OR9Q1: variants seen among roughly 807,000 people sequenced by gnomAD.
The protein encoded by OR9Q1 is olfactory receptor family 9 subfamily Q member 1, also known as olfactory receptor 9Q1.
For missense variants in OR9Q1, 374 were observed against 378.8 expected (o/e 0.99, Z 0.11); for synonymous variants, 153 against 148.6 (o/e 1.03, Z -0.22).
intron 2 of OR9Q1, chr11:58,072,940 G>T (rs1275477131): frequency 6.0e-6 from 1 of 167,676 alleles, no homozygotes; most frequent in South Asian, 1.7e-4. Flanking sequence ...AAATGTATTA[G>T]AGAAAGTATT....
intron 2 of OR9Q1, among the ~76,000 whole-genome samples, chr11:58,149,328 G>A (rs190985078): frequency 1.1e-3 from 166 of 152,142 alleles, no homozygotes; most frequent in African/African-American, 3.7e-3. Context: ...GTGTGGGTAG[G>A]GACTTTGCTC....
rs1382420899 is a variant in OR9Q1 at position 58,023,993 on chromosome 11, C to T, written c.-204C>T. On this transcript the variant is annotated 5_prime_UTR_variant, in exon 1 of 3. Transcript: ENST00000335397. The stretch of plus-strand genomic sequence containing the variant: ...TTCCCTTAATGATGTCTCCTTCCAT[C>T]TTTAGTCCAGCCCAGCAATGTACAT... 3 of 152,228 alleles carry T rather than the reference C, an allele frequency of 2.0e-5. No homozygotes were observed. Among genetic ancestry groups the T allele is most frequent in the Non-Finnish European group, 4.4e-5 (3 of 68,074 alleles). The allele number at this position is 152,228 out of a possible 1,614,324, so 9.4% of individuals were successfully genotyped here. A position where few individuals can be genotyped will look rare whatever the true frequency, so the allele number is the denominator to read the frequency against.
chr11:58,059,229 T>A (rs1332257845), intron 2 of OR9Q1, among the ~76,000 whole-genome samples: 2 of 151,848 alleles, frequency 1.3e-5, no homozygotes, highest in Non-Finnish European at 2.9e-5. Flanking sequence ...AGCAGAGAGG[T>A]AAAGATGTGC....
intron 2 of OR9Q1, among the ~76,000 whole-genome samples, chr11:58,081,261 A>G (rs1052074640): frequency 9.2e-5 from 14 of 152,228 alleles, no homozygotes; most frequent in Non-Finnish European, 1.8e-4. Context: ...TATTGTGAAT[A>G]GTGCTGCAAT....
In OR9Q1 at chr11:58,089,925, G is replaced by A. The variant is rs537925574; in HGVS notation, c.-15+33978G>A. Among the ~76,000 whole-genome samples, 243 of 151,832 alleles carry A rather than the reference G, an allele frequency of 1.6e-3. 1 individual carries two copies. Among genetic ancestry groups the A allele is most frequent in the Non-Finnish European group, 2.9e-3 (196 of 68,036 alleles). ...CTCTTTGTTGCAATTGTGAATGGGA[G>A]TTCAGTTATGATTTGGCTGTTTGTC... On this transcript the variant is annotated intron_variant, in intron 2 of 2. Coordinates refer to ENST00000335397, the MANE Select transcript of OR9Q1 (RefSeq NM_001005212.4).
At chr11:58,123,299 GCT>G (rs1854054406) in intron 2 of OR9Q1, among the ~76,000 whole-genome samples, 1 of 152,130 alleles carries the variant, frequency 6.6e-6, no homozygotes, top group South Asian at 2.1e-4. Flanking sequence ...GTTAATCAGA[GCT>G]TTTTTACCTT....
chr11:58,135,584 G>GTTCTATA (rs1372565734), intron 2 of OR9Q1, among the ~76,000 whole-genome samples: 1 of 152,158 alleles, frequency 6.6e-6, no homozygotes, highest in African/African-American at 2.4e-5. Flanking sequence ...TGCCTGTTTA[G>GTTCTATA]TTCTATATAT....
At chr11:58,109,291 A>G (rs2120105563) in intron 2 of OR9Q1, 3 of 462,076 alleles carry the variant, frequency 6.5e-6, no homozygotes, top group South Asian at 1.5e-5. Flanking sequence ...GCTAATGGCA[A>G]CAAAGCGGTC....
At chr11:58,149,515 G>T (rs1854329873) in intron 2 of OR9Q1, among the ~76,000 whole-genome samples, 3 of 152,080 alleles carry the variant, frequency 2.0e-5, no homozygotes, top group Admixed American at 2.0e-4. Flanking sequence ...CAGTTTGGTG[G>T]CATTAAATAT....
intron 2 of OR9Q1, chr11:58,124,423 A>C (rs1009040571): frequency 6.6e-6 from 1 of 152,206 alleles, no homozygotes; most frequent in African/African-American, 2.4e-5. Context: ...GATGGTCCCT[A>C]ACACTTGTAC....
At chr11:58,177,396 C>G (rs1299679473) in intron 2 of OR9Q1, among the ~76,000 whole-genome samples, 1 of 152,078 alleles carries the variant, frequency 6.6e-6, no homozygotes, top group African/African-American at 2.4e-5. Flanking sequence ...ATACTTAAGC[C>G]CTTTCTTTCT....
chr11:58,047,625 G>A (rs915299656), intron 1 of OR9Q1: 2 of 151,904 alleles, frequency 1.3e-5, no homozygotes, highest in Non-Finnish European at 2.9e-5. Flanking sequence ...TGTAATCCCA[G>A]CACTTTGGGA....
At chr11:58,036,524 G>A (rs779930536) in intron 1 of OR9Q1, among the ~76,000 whole-genome samples, 8 of 152,194 alleles carry the variant, frequency 5.3e-5, no homozygotes, top group Non-Finnish European at 1.0e-4. Context: ...TTTCTCTGAT[G>A]GATCTGGACA....
At chr11:58,143,724 G>A (rs1396835272) in intron 2 of OR9Q1, among the ~76,000 whole-genome samples, 1 of 151,970 alleles carries the variant, frequency 6.6e-6, no homozygotes, top group Non-Finnish European at 1.5e-5. Flanking sequence ...GCGGGGGGGT[G>A]GCATTAGGAA....
At chr11:58,074,127 CAT>C (rs1204502692) in intron 2 of OR9Q1, among the ~76,000 whole-genome samples, 13 of 152,170 alleles carry the variant, frequency 8.5e-5, no homozygotes, top group African/African-American at 2.9e-4. Flanking sequence ...CTGCAATAAA[CAT>C]ATGTGTGCAT....
At chr11:58,160,667 T>A (rs767154591) in intron 2 of OR9Q1, among the ~76,000 whole-genome samples, 25 of 152,196 alleles carry the variant, frequency 1.6e-4, no homozygotes, top group Non-Finnish European at 2.8e-4. Flanking sequence ...AGATGGGGTC[T>A]TGCTACATTG....
intron 2 of OR9Q1, among the ~76,000 whole-genome samples, chr11:58,074,870 C>A (rs1853524601): frequency 6.6e-6 from 1 of 152,168 alleles, no homozygotes; most frequent in Non-Finnish European, 1.5e-5. Context: ...GGAATCCTTT[C>A]TCCATTTCTT....
At chr11:58,158,706 G>A (rs1357633959) in intron 2 of OR9Q1, among the ~76,000 whole-genome samples, 1 of 152,112 alleles carries the variant, frequency 6.6e-6, no homozygotes, top group Non-Finnish European at 1.5e-5. Flanking sequence ...ACTCAAGATG[G>A]GCTAGTTTGA....
chr11:58,133,120 A>G (rs1854159281), intron 2 of OR9Q1, among the ~76,000 whole-genome samples: 1 of 152,214 alleles, frequency 6.6e-6, no homozygotes, highest in African/African-American at 2.4e-5. Flanking sequence ...GAGCATGGCC[A>G]TAGTAGATCA....
Sources: gnomAD v4.1 joint callset for allele counts (sites outside exome capture counted in the v4.1 genomes callset) on GRCh38, gnomAD v4.1.1 for gene constraint, MANE v1.5 for transcripts, NCBI Gene and HGNC (gene_info 2026-07-23, HGNC 2026-07-21) for gene names.